Variants in MTBP observed in about 807,000 individuals in gnomAD.
The protein encoded by MTBP is MDM2 binding protein, also known as mdm2-binding protein.
In MTBP, 101 loss-of-function variants were observed where a neutral mutation model predicts 117.0. The observed-to-expected ratio is 0.86, with a 90% CI of 0.73 to 1.02. MTBP has a LOEUF of 1.02. MTBP is among the 50% of genes least tolerant of loss of function. The pLI is 0.00. For synonymous variants in MTBP, 350 were observed against 351.5 expected, an observed-to-expected ratio of 1.00 and a Z score of 0.05; for missense variants, 970 against 1,030.9, an observed-to-expected ratio of 0.94 and a Z score of 0.81.
At position 120,451,254 on chromosome 8, in the gene MTBP, A is replaced by G. The variant is rs1290056737; in HGVS notation, c.357A>G (p.Glu119=). ...IEDVLQTNIE[E]CLGAVECFEE... ...ATGTTCTTCAAACGAATATCGAAGA[A>G]TGTTTGGGTGCTGTTGAGTGTTTTG... is the stretch of plus-strand genomic sequence containing the variant. Residue 119 remains glutamate (E), a synonymous_variant, in exon 4 of 22, where the codon GAA becomes GAG. Transcript: ENST00000305949. 6.2e-7 allele frequency: 1 copy of G among 1,612,726 alleles called. No individual in the cohort carries two copies. The highest frequency in any genetic ancestry group is 8.5e-7 in the Non-Finnish European group (1 of 1,179,072).
At chr8:120,490,440 C>CTTTTTTTTT (rs765099676) in intron 12 of MTBP, 23 bp from the exon 13 acceptor site, 4 of 1,321,580 alleles carry the variant, frequency 3.0e-6, no homozygotes, top group Admixed American at 1.9e-5. Context: ...TAATGTTGAC[C>CTTTTTTTTT]TTTTTTTTTT....
At chr8:120,522,832 C>G (rs983514530) in intron 21 of MTBP, 113 bp downstream of exon 21, 9 of 742,996 alleles carry the variant, frequency 1.2e-5, no homozygotes, top group Non-Finnish European at 1.9e-5. Context: ...TTTTTCAACT[C>G]TGTCCCTATG....
chr8:120,489,044 CTTT>C (rs71306887), intron 12 of MTBP, among the ~76,000 whole-genome samples: 2 of 128,072 alleles, frequency 1.6e-5, no homozygotes, highest in Admixed American at 8.5e-5. Flanking sequence ...AGACTGACTT[CTTT>C]TTTTTTTTTT....
At chr8:120,500,661 T>C (rs986029974) in intron 14 of MTBP, among the ~76,000 whole-genome samples, 1 of 152,242 alleles carries the variant, frequency 6.6e-6, no homozygotes, top group Non-Finnish European at 1.5e-5. Flanking sequence ...TCAATATAGG[T>C]ATTGAAAATA....
intron 4 of MTBP, chr8:120,452,826 T>A: frequency 1.1e-5 from 1 of 91,948 alleles, no homozygotes. Flanking sequence ...CAACACTCCG[T>A]CTCAAAAAAA....
In MTBP at chr8:120,456,545, T is replaced by C. The variant is rs1813471165; in HGVS notation, c.630-8T>C. ...CTGTGTTTAATTGTTGTAATCTTTT[T>C]TTTATAGAAACTGTCAGAAAATTGC... On this transcript the variant is annotated splice_polypyrimidine_tract_variant and splice_region_variant and intron_variant, in intron 6 of 21. Transcript: ENST00000305949. 4 of 1,399,330 alleles carry C rather than the reference T, an allele frequency of 2.9e-6. No homozygotes were observed. Among genetic ancestry groups the C allele is most frequent in the East Asian group, 2.3e-5 (1 of 43,250 alleles). The allele number at this position is 1,399,330 out of a possible 1,614,324, so 86.7% of individuals were successfully genotyped here.
At chr8:120,505,108 T>G (rs4279642) in intron 15 of MTBP, among the ~76,000 whole-genome samples, 83,429 of 151,754 alleles carry the variant, frequency 0.55, 25,322 homozygotes, top group Non-Finnish European at 0.67. Context: ...AGTGTCTGGT[T>G]GTCCTTGATT....
chr8:120,465,207 T>G (rs1358197337), intron 10 of MTBP, among the ~76,000 whole-genome samples: 2 of 152,148 alleles, frequency 1.3e-5, no homozygotes, highest in Non-Finnish European at 2.9e-5. Context: ...CTTCCTTGTA[T>G]GGATTGAGAA....
chr8:120,484,414 T>C (rs1359467353), intron 11 of MTBP, among the ~76,000 whole-genome samples: 7 of 152,170 alleles, frequency 4.6e-5, no homozygotes, highest in Admixed American at 4.6e-4. Flanking sequence ...TAACCCACGG[T>C]ATCTTCCTAT....
intron 19 of MTBP, 58 bp from the exon 20 acceptor site, chr8:120,518,646 A>G: frequency 8.6e-7 from 1 of 1,159,612 alleles, no homozygotes; most frequent in South Asian, 1.5e-5. Context: ...CTAAAGCTGA[A>G]ATAATAGGTT....
chr8:120,477,879 T>C lies in MTBP; in HGVS notation c.1165+6942T>C, dbSNP rs528403250. ...AATGATCTAGAACCAGAAATACCATTTGACCCAGCCATCCCATTACTGGGC... is the reference window on the plus strand; with the variant it reads ...AATGATCTAGAACCAGAAATACCATCTGACCCAGCCATCCCATTACTGGGC... On this transcript the variant is annotated intron_variant, in intron 11 of 21. Coordinates refer to ENST00000305949, the MANE Select transcript of MTBP (RefSeq NM_022045.5). Among the ~76,000 whole-genome samples the C allele has an allele frequency of 2.4e-3, 359 of 152,256 alleles. 2 individuals are homozygous for C. Among genetic ancestry groups the C allele is most frequent in the South Asian group, 3.5e-3 (17 of 4,816 alleles).
rs948947290 is a variant in MTBP, at chr8:120,510,911, GA to G, written c.1979+899del. Among the ~76,000 whole-genome samples, 806 of 120,066 alleles carry G rather than the reference GA, an allele frequency of 6.7e-3. 3 individuals are homozygous for G. Among genetic ancestry groups the G allele is most frequent in the African/African-American group, 0.02 (660 of 32,354 alleles). 78.8% of individuals were successfully genotyped at this position (120,066 alleles called of 152,430 possible). On this transcript the variant is annotated intron_variant, in intron 17 of 21. Coordinates refer to ENST00000305949, the MANE Select transcript of MTBP (RefSeq NM_022045.5). ...GTGACAGAATGAGACCCTGTCTCAA[GA>G]AAAAAAAAAAAAAAAAGAATTTGAA...
chr8:120,506,628 C>CTTT (rs369783487), intron 15 of MTBP, 78 bp from the exon 16 acceptor site: 9 of 986,750 alleles, frequency 9.1e-6, no homozygotes, highest in South Asian at 5.9e-5. Flanking sequence ...CCCGACTGTG[C>CTTT]TTTTTTTTTT....
chr8:120,522,624 T>C, intron 20 of MTBP, 30 bp from the exon 21 acceptor site: 1 of 1,403,922 alleles, frequency 7.1e-7, no homozygotes. Context: ...AATGTGCAGA[T>C]TGTAAAATGC....
At chr8:120,498,188 G>A (rs1377221705) in intron 14 of MTBP, among the ~76,000 whole-genome samples, 12 of 152,068 alleles carry the variant, frequency 7.9e-5, no homozygotes, top group Admixed American at 6.6e-4. Context: ...TGCCTGTTTC[G>A]TCATGTTTAA....
intron 15 of MTBP, among the ~76,000 whole-genome samples, chr8:120,503,999 C>T (rs982213942): frequency 6.6e-6 from 1 of 152,016 alleles, no homozygotes; most frequent in Non-Finnish European, 1.5e-5. Context: ...AGGGATGATA[C>T]GTTTGATCTA....
At chr8:120,446,113 G>A (rs1813220932) in intron 1 of MTBP, among the ~76,000 whole-genome samples, 1 of 152,116 alleles carries the variant, frequency 6.6e-6, no homozygotes, top group South Asian at 2.1e-4. Flanking sequence ...CATTTGTTTC[G>A]ATCAAACAGG....
rs546850259 is a variant in MTBP at position 120,485,025 on chromosome 8, A to G, written c.1166-3134A>G. ...CCTCTTTATTGCTGAATAATATTTC[A>G]TCACTTAGATATACCACATTTTATT... On this transcript the variant is annotated intron_variant, in intron 11 of 21. Transcript: ENST00000305949. Among the ~76,000 whole-genome samples the G allele has an allele frequency of 6.6e-4, 91 of 137,584 alleles. 1 individual carries two copies. Among genetic ancestry groups the G allele is most frequent in the African/African-American group, 2.1e-3 (86 of 40,880 alleles). The allele number at this position is 137,584 out of a possible 152,430, so 90.3% of individuals were successfully genotyped here.
At chr8:120,446,585 C>G (rs1454693972) in intron 2 of MTBP, 72 bp downstream of exon 2, 1 of 934,082 alleles carries the variant, frequency 1.1e-6, no homozygotes, top group Non-Finnish European at 1.7e-6. Flanking sequence ...AATTTGGACC[C>G]TAAGGAGTAC....
Sources: allele counts gnomAD v4.1 joint callset (sites outside exome capture counted in the v4.1 genomes callset), GRCh38; gene constraint gnomAD v4.1.1; transcripts MANE v1.5; gene names NCBI Gene and HGNC (gene_info 2026-07-23, HGNC 2026-07-21).